Variants in EIF2B3 observed in about 807,000 individuals in gnomAD.
The protein encoded by EIF2B3 is translation initiation factor eIF2B subunit gamma.
In EIF2B3, 20 loss-of-function variants were observed where a neutral mutation model predicts 54.1. The ratio of observed to expected loss-of-function variants is 0.37; its 90% CI spans 0.26 to 0.54. The LOEUF (loss-of-function observed/expected upper bound fraction) is 0.54, where lower values mean the gene tolerates loss of function less well. Among genes scored for constraint, EIF2B3 ranks in the 20% least tolerant of loss-of-function variants. The pLI, the probability that EIF2B3 is intolerant of heterozygous loss-of-function variation, is 0.86. For synonymous variants in EIF2B3, 153 were observed against 188.1 expected, an observed-to-expected ratio of 0.81 and a Z score of 1.52; for missense variants, 448 against 547.8, an observed-to-expected ratio of 0.82 and a Z score of 1.82.
At chr1:44,866,590 T>C (rs1308730688) in intron 10 of EIF2B3, among the ~76,000 whole-genome samples, 2 of 151,978 alleles carry the variant, frequency 1.3e-5, no homozygotes, top group African/African-American at 4.8e-5. Context: ...AGTCTCGCTC[T>C]GTCATCCAGT....
chr1:44,862,256 C>T lies in EIF2B3; in HGVS notation c.1203-4449G>A, dbSNP rs114996704. On this transcript the variant is annotated intron_variant, in intron 10 of 11. Coordinates refer to ENST00000360403, the MANE Select transcript of EIF2B3 (RefSeq NM_020365.5). ...ATGTCTAGCTGTGTTCTCTAAGACG[C>T]TGCTCAGTGATGGCTAAGACTAATG... 6.7e-3 allele frequency among the ~76,000 whole-genome samples: 1,020 copies of T among 152,322 alleles called. 13 individuals carry two copies. Among genetic ancestry groups the T allele is most frequent in the African/African-American group, 0.023 (969 of 41,552 alleles).
At chr1:44,918,072 CTTTTTTTTTTTT>C (rs3074632) in intron 5 of EIF2B3, among the ~76,000 whole-genome samples, 1 of 88,616 alleles carries the variant, frequency 1.1e-5, no homozygotes, top group Non-Finnish European at 2.1e-5. Context: ...TGTGCCCAGC[CTTTTTTTTTTTT>C]TTTTTTTTTT....
intron 10 of EIF2B3, among the ~76,000 whole-genome samples, chr1:44,866,063 G>A (rs1224671473): frequency 6.6e-6 from 1 of 151,962 alleles, no homozygotes; most frequent in African/African-American, 2.4e-5. Flanking sequence ...CGTAAAAAGT[G>A]CAGTATTAAG....
chr1:44,887,364 T>G (rs1655625454), intron 6 of EIF2B3, among the ~76,000 whole-genome samples: 1 of 152,168 alleles, frequency 6.6e-6, no homozygotes. Flanking sequence ...CTTGTGTGCT[T>G]AGGTAGGAAA....
At chr1:44,963,005 A>G (rs1557707005) in intron 3 of EIF2B3, among the ~76,000 whole-genome samples, 1 of 152,032 alleles carries the variant, frequency 6.6e-6, no homozygotes, top group Non-Finnish European at 1.5e-5. Flanking sequence ...AGGTGAGCAG[A>G]CTGCTTGAGC....
At chr1:44,853,995 T>G (rs1233136883) in intron 11 of EIF2B3, among the ~76,000 whole-genome samples, 5 of 84,610 alleles carry the variant, frequency 5.9e-5, no homozygotes, top group East Asian at 2.9e-4. Flanking sequence ...GCAGTTAGTG[T>G]TTTTTTTTTT....
At chr1:44,885,684 T>C (rs1461747388) in intron 6 of EIF2B3, among the ~76,000 whole-genome samples, 2 of 152,064 alleles carry the variant, frequency 1.3e-5, no homozygotes, top group African/African-American at 4.8e-5. Flanking sequence ...CAATAAAATA[T>C]TCAACAATGA....
chr1:44,958,797 C>A, intron 3 of EIF2B3: 1 of 1,314,420 alleles, frequency 7.6e-7, no homozygotes, highest in Admixed American at 1.7e-5. Flanking sequence ...GGCAGGACTG[C>A]GACAAGAGAT....
intron 8 of EIF2B3, among the ~76,000 whole-genome samples, chr1:44,879,213 C>G (rs961047290): frequency 5.3e-5 from 8 of 152,184 alleles, no homozygotes; most frequent in Non-Finnish European, 1.2e-4. Context: ...CTCTCCACCC[C>G]CTGCCTTCAT....
Position 44,981,050 on chromosome 1 carries a change from A to T in EIF2B3, c.119T>A (p.Leu40Ter). The change falls in exon 2 of 12, where the codon TTG (leucine) becomes TAG (stop). Residue 40 changes from leucine to a stop codon, truncating the protein, a stop_gained. Coordinates refer to ENST00000360403, the MANE Select transcript of EIF2B3 (RefSeq NM_020365.5). LOFTEE classifies it high-confidence loss of function. Reference sequence around the variant, plus strand: ...AAATCCAACACGCTCAAGCAGGTTCAATGGGTACCAAATTAAAGGTTTGTT... The same window carrying T: ...AAATCCAACACGCTCAAGCAGGTTCTATGGGTACCAAATTAAAGGTTTGTT... ...VGNKPLIWYPLNLLERVGFEE... is the reference protein window; with the variant it reads ...VGNKPLIWYP 6.2e-7 allele frequency: 1 copy of T among 1,613,778 alleles called. No homozygotes were observed. The highest frequency in any genetic ancestry group is 8.5e-7 in the Non-Finnish European group (1 of 1,180,016).
At chr1:44,967,027 G>T (rs1168700845) in intron 3 of EIF2B3, among the ~76,000 whole-genome samples, 5 of 151,860 alleles carry the variant, frequency 3.3e-5, no homozygotes, top group African/African-American at 4.8e-5. Flanking sequence ...TGTTGGCCAG[G>T]ATGGTCTCGA....
intron 5 of EIF2B3, among the ~76,000 whole-genome samples, chr1:44,916,866 C>T (rs1308032342): frequency 1.3e-5 from 2 of 150,222 alleles, no homozygotes; most frequent in Non-Finnish European, 3.0e-5. Context: ...TGTCATAAGT[C>T]TTTTCATGCC....
intron 10 of EIF2B3, chr1:44,862,889 A>C (rs540353657): frequency 6.6e-6 from 1 of 152,028 alleles, no homozygotes; most frequent in Non-Finnish European, 1.5e-5. Flanking sequence ...GAGCCACTGC[A>C]CCCAGCCTAC....
chr1:44,919,952 C>T (rs1345676141), intron 5 of EIF2B3, among the ~76,000 whole-genome samples: 1 of 147,712 alleles, frequency 6.8e-6, no homozygotes, highest in Non-Finnish European at 1.5e-5. Flanking sequence ...GATCTCCTGA[C>T]CTCGTGATCC....
intron 1 of EIF2B3, among the ~76,000 whole-genome samples, chr1:44,982,494 C>T (rs1644525393): frequency 6.6e-6 from 1 of 152,132 alleles, no homozygotes. Flanking sequence ...GATGGGGTTT[C>T]ACCATGTTGG....
At chr1:44,921,291 C>T (rs1643733590) in intron 5 of EIF2B3, among the ~76,000 whole-genome samples, 1 of 152,020 alleles carries the variant, frequency 6.6e-6, no homozygotes, top group African/African-American at 2.4e-5. Flanking sequence ...GGTTATTAAT[C>T]CCTTGTCAGA....
At chr1:44,875,166 T>A (rs1159122077) in intron 9 of EIF2B3, among the ~76,000 whole-genome samples, 1 of 152,076 alleles carries the variant, frequency 6.6e-6, no homozygotes, top group Non-Finnish European at 1.5e-5. Flanking sequence ...CACTCCAGCC[T>A]GGGCAACAGA....
chr1:44,986,055 G>A (rs1483295245), intron 1 of EIF2B3, among the ~76,000 whole-genome samples: 1 of 152,108 alleles, frequency 6.6e-6, no homozygotes, highest in Non-Finnish European at 1.5e-5. Flanking sequence ...TGCTAAAGGC[G>A]TCTGGTACCG....
At chr1:44,859,943 A>C (rs1044475305) in intron 10 of EIF2B3, among the ~76,000 whole-genome samples, 4 of 150,504 alleles carry the variant, frequency 2.7e-5, no homozygotes, top group African/African-American at 4.9e-5. Context: ...TTTTTAGTAG[A>C]GGCAGGGTTT....
Sources: gnomAD v4.1 joint callset for allele counts (sites outside exome capture counted in the v4.1 genomes callset) on GRCh38, gnomAD v4.1.1 for gene constraint, MANE v1.5 for transcripts, NCBI Gene and HGNC (gene_info 2026-07-23, HGNC 2026-07-21) for gene names.